Variants in KCMF1 observed in about 807,000 individuals in gnomAD.
KCMF1 encodes potassium channel modulatory factor 1.
A neutral mutation model predicts 41.1 loss-of-function variants in KCMF1; 3 were observed. The ratio of observed to expected loss-of-function variants is 0.07; its 90% CI spans 0.03 to 0.19. The LOEUF (loss-of-function observed/expected upper bound fraction) is 0.19. KCMF1 is among the 10% of genes least tolerant of loss of function. The pLI is 1.00. For synonymous variants in KCMF1, 142 were observed against 164.5 expected, an observed-to-expected ratio of 0.86 and a Z score of 1.04; for missense variants, 286 against 488.9, an observed-to-expected ratio of 0.58 and a Z score of 3.91.
chr2:85,035,072 C>T lies in KCMF1; in HGVS notation c.241C>T (p.Pro81Ser). Reference protein sequence around the residue: ...SVEQPQSFTCPYCGKMGYTET... With the variant: ...SVEQPQSFTCSYCGKMGYTET... Reference sequence around the variant, plus strand: ...AGAGCAGCCACAGTCTTTTACTTGTCCCTATTGTGGAAAAATGGGCTATAC... The same window carrying T: ...AGAGCAGCCACAGTCTTTTACTTGTTCCTATTGTGGAAAAATGGGCTATAC... Residue 81 changes from proline (P) to serine (S), a missense_variant, in exon 3 of 7, where the codon CCC becomes TCC. Physicochemically the swap from Pro to Ser is moderately conservative, Grantham distance 74 (BLOSUM62 -1). Around this residue, in one of 2 missense-constraint regions of KCMF1, gnomAD observed 95 missense variants for 209.6 expected, o/e 0.45. Transcript: ENST00000409785. The T allele has an allele frequency of 6.2e-7, 1 of 1,612,892 alleles. No individual in the cohort carries two copies. The highest frequency in any genetic ancestry group is 8.5e-7 in the Non-Finnish European group (1 of 1,179,054).
intron 3 of KCMF1, among the ~76,000 whole-genome samples, chr2:85,040,710 T>C (rs2104049797): frequency 6.6e-6 from 1 of 152,326 alleles, no homozygotes; most frequent in South Asian, 2.1e-4. Flanking sequence ...GTGACCCAAG[T>C]GTGGCAACAT....
chr2:84,983,373 CTGGAGTG>C (rs1247751934), intron 1 of KCMF1, among the ~76,000 whole-genome samples: 1 of 152,042 alleles, frequency 6.6e-6, no homozygotes, highest in Non-Finnish European at 1.5e-5. Flanking sequence ...GTTGCCCAGG[CTGGAGTG>C]TGGGGGTGTG....
chr2:84,989,712 A>T (rs544717608), intron 1 of KCMF1, among the ~76,000 whole-genome samples: 10 of 152,316 alleles, frequency 6.6e-5, no homozygotes, highest in Non-Finnish European at 1.3e-4. Flanking sequence ...GTTGCCATTC[A>T]TCATGATGCA....
At chr2:85,015,962 TAATG>T (rs1674758828) in intron 1 of KCMF1, among the ~76,000 whole-genome samples, 1 of 152,048 alleles carries the variant, frequency 6.6e-6, no homozygotes, top group East Asian at 1.9e-4. Flanking sequence ...AAATAATAAA[TAATG>T]AAAGGATGGG....
At chr2:85,013,416 A>G (rs901488367) in intron 1 of KCMF1, among the ~76,000 whole-genome samples, 1 of 152,194 alleles carries the variant, frequency 6.6e-6, no homozygotes, top group Non-Finnish European at 1.5e-5. Flanking sequence ...TTTAGCGAAC[A>G]GTATGTATTC....
rs746124398 is a variant in KCMF1 at position 85,043,573 on chromosome 2, A to G, written c.334A>G (p.Ile112Val). ...AETSTEVICP[I>V]CAALPGGDPN... The stretch of plus-strand genomic sequence containing the variant: ...TTTACTTCCATTTCAGATTTGTCCA[A>G]TATGTGCAGCGTTACCTGGAGGCGA... Residue 112 changes from isoleucine (I) to valine (V), a missense_variant, in exon 4 of 7, where the codon ATA (isoleucine) becomes GTA (valine). By Grantham distance (29) the Ile-to-Val change is conservative (BLOSUM62 3). Around this residue, in one of 2 missense-constraint regions of KCMF1, gnomAD observed 95 missense variants for 209.6 expected, o/e 0.45. Coordinates refer to ENST00000409785, the MANE Select transcript of KCMF1 (RefSeq NM_020122.5). 7 of 1,606,400 alleles carry G rather than the reference A, an allele frequency of 4.4e-6. No homozygotes were observed. Among genetic ancestry groups the G allele is most frequent in the Non-Finnish European group, 6.0e-6 (7 of 1,173,980 alleles).
chr2:85,008,381 T>TGA (rs369479422), intron 1 of KCMF1, among the ~76,000 whole-genome samples: 1 of 19,034 alleles, frequency 5.3e-5, no homozygotes, highest in African/African-American at 1.1e-4. Context: ...ATATGATATA[T>TGA]TATATATGAT....
Position 85,027,931 on chromosome 2 carries a change from G to A in KCMF1, c.59G>A (p.Arg20His), listed in dbSNP as rs777236299. Reference protein sequence around the residue: ...DACLKGNFRGRRYKCLICYDY... With the variant: ...DACLKGNFRGHRYKCLICYDY... ...TGTTTAAAAGGAAATTTTCGAGGTC[G>A]CAGATATAAGTGTTTAATTTGCTAC... Residue 20 changes from arginine (R) to histidine (H), a missense_variant, in exon 2 of 7, where the codon CGC (arginine) becomes CAC (histidine). By Grantham distance (29) the Arg-to-His change is conservative. Around this residue, in one of 2 missense-constraint regions of KCMF1, gnomAD observed 95 missense variants for 209.6 expected, o/e 0.45. Coordinates refer to ENST00000409785, the MANE Select transcript of KCMF1 (RefSeq NM_020122.5). 6 of 1,609,586 alleles carry A rather than the reference G, an allele frequency of 3.7e-6. No individual in the cohort carries two copies. Among genetic ancestry groups the A allele is most frequent in the South Asian group, 1.1e-5 (1 of 89,844 alleles).
At position 85,055,218 on chromosome 2, in the gene KCMF1, T is replaced by TA. The variant is rs1266299104; in HGVS notation, c.*1809_*1810insA. ...AACACATCTGCACATAAGTCACACA[T>TA]TTCAATAAAGCATTTTCAAGACTGT... On this transcript the variant is annotated 3_prime_UTR_variant, in exon 7 of 7. Coordinates refer to ENST00000409785, the MANE Select transcript of KCMF1 (RefSeq NM_020122.5). 2 of 152,208 alleles carry TA rather than the reference T, an allele frequency of 1.3e-5. No homozygotes were observed. The highest frequency in any genetic ancestry group is 2.9e-5 in the Non-Finnish European group (2 of 68,032). 9.4% of individuals were successfully genotyped at this position (152,208 alleles called of 1,614,324 possible).
chr2:84,994,892 G>A (rs1404757304), intron 1 of KCMF1, among the ~76,000 whole-genome samples: 1 of 152,032 alleles, frequency 6.6e-6, no homozygotes, highest in East Asian at 1.9e-4. Flanking sequence ...TGAAAAAACT[G>A]GATCATTCCT....
intron 1 of KCMF1, among the ~76,000 whole-genome samples, chr2:84,976,557 A>AT (rs1673550239): frequency 6.6e-6 from 1 of 151,354 alleles, no homozygotes; most frequent in South Asian, 2.1e-4. Context: ...ATTGTTTGAG[A>AT]TTTCAAGCCG....
chr2:84,991,237 A>G (rs544785675), intron 1 of KCMF1, among the ~76,000 whole-genome samples: 14 of 146,960 alleles, frequency 9.5e-5, no homozygotes, highest in Non-Finnish European at 1.5e-4. Flanking sequence ...GAAGAGGGCC[A>G]TTTACTGACA....
intron 1 of KCMF1, among the ~76,000 whole-genome samples, chr2:85,025,088 A>G (rs1008951531): frequency 6.6e-6 from 1 of 152,086 alleles, no homozygotes; most frequent in Non-Finnish European, 1.5e-5. Context: ...CCTTTTTGTA[A>G]CTTGCATCAA....
At chr2:85,022,434 A>G (rs536707738) in intron 1 of KCMF1, among the ~76,000 whole-genome samples, 4 of 152,260 alleles carry the variant, frequency 2.6e-5, no homozygotes, top group Non-Finnish European at 4.4e-5. Flanking sequence ...AGATTGTGCA[A>G]CTGCTCTCCA....
At chr2:84,980,106 A>G (rs777998554) in intron 1 of KCMF1, among the ~76,000 whole-genome samples, 20 of 151,960 alleles carry the variant, frequency 1.3e-4, no homozygotes, top group Non-Finnish European at 2.2e-4. Flanking sequence ...TGCTGGGATT[A>G]CAGGCATGAG....
Position 85,054,616 on chromosome 2 carries a change from T to G in KCMF1, c.*1207T>G, listed in dbSNP as rs1244077661. 2 of 152,200 alleles carry G rather than the reference T, an allele frequency of 1.3e-5. No individual in the cohort carries two copies. Among genetic ancestry groups the G allele is most frequent in the Non-Finnish European group, 2.9e-5 (2 of 68,038 alleles). 9.4% of individuals were successfully genotyped at this position (152,200 alleles called of 1,614,324 possible). ...TGGAAGGGCCGGGTTATTTTTTATT[T>G]CCTGTTTCAGTTTTTGTGCATAGAC... On this transcript the variant is annotated 3_prime_UTR_variant, in exon 7 of 7. Coordinates refer to ENST00000409785, the MANE Select transcript of KCMF1 (RefSeq NM_020122.5).
chr2:84,971,287 G>C lies in KCMF1; in HGVS notation c.-165G>C. 5.8e-6 allele frequency: 1 copy of C among 171,836 alleles called. No homozygotes were observed. Among genetic ancestry groups the C allele is most frequent in the South Asian group, 1.7e-4 (1 of 6,018 alleles). 10.6% of individuals were successfully genotyped at this position (171,836 alleles called of 1,614,324 possible). ...CGCCCCGCGCCGCCTCCCCGCCGCC[G>C]CCGCCGCCGCCGCCGCGGGAGCGCT... On this transcript the variant is annotated 5_prime_UTR_variant, in exon 1 of 7. Coordinates refer to ENST00000409785, the MANE Select transcript of KCMF1 (RefSeq NM_020122.5).
intron 1 of KCMF1, among the ~76,000 whole-genome samples, chr2:85,008,710 T>C (rs1156929216): frequency 1.3e-5 from 2 of 151,660 alleles, no homozygotes; most frequent in African/African-American, 4.8e-5. Context: ...GCTCTGTGCC[T>C]GTTTTCAGTC....
intron 1 of KCMF1, among the ~76,000 whole-genome samples, chr2:85,004,648 C>T (rs1357995219): frequency 6.6e-6 from 1 of 151,988 alleles, no homozygotes; most frequent in African/African-American, 2.4e-5. Flanking sequence ...TGGAGGGGGG[C>T]AGGTGGGCAC....
Sources: gnomAD v4.1 joint callset for allele counts (sites outside exome capture counted in the v4.1 genomes callset) on GRCh38, gnomAD v4.1.1 for gene constraint, gnomAD v4.1.1 regional missense constraint, MANE v1.5 for transcripts, NCBI Gene and HGNC (gene_info 2026-07-23, HGNC 2026-07-21) for gene names.